GRHL1: variants seen among roughly 807,000 people sequenced by gnomAD.
GRHL1 encodes the protein grainyhead-like protein 1 homolog.
Under a neutral mutation model 75.7 loss-of-function variants are expected in GRHL1, and 38 were observed. That is an observed-to-expected ratio of 0.50 (90% CI 0.39 to 0.66). GRHL1 has a LOEUF of 0.66. Ranked by LOEUF, GRHL1 falls within the 30% of genes least tolerant of loss-of-function variation. The probability of loss-of-function intolerance (pLI) is 0.00; values close to 1 mark genes in which losing one functional copy is unlikely to be tolerated. For missense variants in GRHL1, 589 were observed against 767.5 expected (o/e 0.77, Z 2.75); for synonymous variants, 266 against 279.4 (o/e 0.95, Z 0.48).
intron 15 of GRHL1, among the ~76,000 whole-genome samples, chr2:10,000,159 A>T (rs906632140): frequency 8.6e-5 from 13 of 151,990 alleles, no homozygotes; most frequent in Non-Finnish European, 1.3e-4. Flanking sequence ...AGTTTTTAAA[A>T]TTTTTCTGTA....
At chr2:9,961,716 T>C (rs1290503531) in intron 4 of GRHL1, among the ~76,000 whole-genome samples, 4 of 152,210 alleles carry the variant, frequency 2.6e-5, no homozygotes, top group Admixed American at 6.5e-5. Context: ...ACCCCATACA[T>C]AATCTTCTGT....
In GRHL1 at chr2:9,978,270, T is replaced by TA. The variant is rs552274277; in HGVS notation, c.1111-7853dup. 1.9e-3 allele frequency among the ~76,000 whole-genome samples: 289 copies of TA among 152,260 alleles called. 1 individual carries two copies. Among genetic ancestry groups the TA allele is most frequent in the Non-Finnish European group, 3.3e-3 (226 of 68,004 alleles). ...GTAAGTGGTAAAAGGGAGCTGTACA[T>TA]AGAGTGCAGTGGACACAGCTGAGAG... is the stretch of plus-strand genomic sequence containing the variant. On this transcript the variant is annotated intron_variant, in intron 8 of 15. Coordinates refer to ENST00000324907, the MANE Select transcript of GRHL1 (RefSeq NM_198182.3).
rs1357584184 is a variant in GRHL1 at position 9,998,534 on chromosome 2, G to A, written c.1678-431G>A. 2.2e-4 allele frequency among the ~76,000 whole-genome samples: 9 copies of A among 40,568 alleles called. 2 individuals are homozygous for A. Among genetic ancestry groups the A allele is most frequent in the East Asian group, 1.2e-3 (2 of 1,652 alleles). The allele number at this position is 40,568 out of a possible 152,430, so 26.6% of individuals were successfully genotyped here. On this transcript the variant is annotated intron_variant, in intron 14 of 15. Transcript: ENST00000324907. ...TACGTATATATATACATATATATAC[G>A]TATATATACATATGTATATATGTGT...
chr2:9,965,579 A>G (rs1363558706), intron 8 of GRHL1, 198 bp downstream of exon 8: 1 of 554,698 alleles, frequency 1.8e-6, no homozygotes, highest in East Asian at 2.9e-5. Context: ...CACAGAGTCC[A>G]GTGTGTGAAA....
chr2:10,000,715 C>T lies in GRHL1; in HGVS notation c.*8C>T, dbSNP rs561124292. The T allele has an allele frequency of 2.6e-5, 38 of 1,437,012 alleles. No homozygotes were observed. The highest frequency in any genetic ancestry group is 2.0e-4 in the Admixed American group (12 of 59,398). 89.0% of individuals were successfully genotyped at this position (1,437,012 alleles called of 1,614,324 possible). A position where few individuals can be genotyped will look rare whatever the true frequency, so the allele number is the denominator to read the frequency against. ...ACCCTGACGGAGATCTAAAGGCCTG[C>T]GGGCCACAGCTCCCCAGGAGTTCAG... On this transcript the variant is annotated 3_prime_UTR_variant, in exon 16 of 16. Coordinates refer to ENST00000324907, the MANE Select transcript of GRHL1 (RefSeq NM_198182.3).
chr2:9,978,139 T>C (rs1668028730), intron 8 of GRHL1, among the ~76,000 whole-genome samples: 1 of 152,168 alleles, frequency 6.6e-6, no homozygotes, highest in African/African-American at 2.4e-5. Context: ...GTGGGAGTTA[T>C]GGGAGCTACA....
chr2:9,951,776 G>A lies in GRHL1; in HGVS notation c.-58G>A. Reference sequence around the variant, plus strand: ...CCGCCGCCTCCTCCCCCCGGATCGGGTGTACTGTCCCAACCCGAAAGTCCA... The same window carrying A: ...CCGCCGCCTCCTCCCCCCGGATCGGATGTACTGTCCCAACCCGAAAGTCCA... On this transcript the variant is annotated 5_prime_UTR_variant, in exon 1 of 16. In the 5' UTR this introduces an upstream ATG that the reference lacks. Transcript: ENST00000324907. This position sits in a 1 kb window ranked among gnomAD's most constrained non-coding sequence, Gnocchi z 4.2. 6.7e-7 allele frequency: 1 copy of A among 1,486,160 alleles called. No homozygotes were observed. Among genetic ancestry groups the A allele is most frequent in the Non-Finnish European group, 9.0e-7 (1 of 1,110,188 alleles). The allele number at this position is 1,486,160 out of a possible 1,614,324, so 92.1% of individuals were successfully genotyped here.
chr2:9,966,686 A>G (rs912716117), intron 8 of GRHL1, among the ~76,000 whole-genome samples: 9 of 152,112 alleles, frequency 5.9e-5, no homozygotes, highest in African/African-American at 1.9e-4. Context: ...TTTGAAAATC[A>G]TGTGACTGGG....
At position 9,987,048 on chromosome 2, in the gene GRHL1, G is replaced by A. The variant is rs976790164; in HGVS notation, c.1269+766G>A. On this transcript the variant is annotated intron_variant, in intron 9 of 15. Coordinates refer to ENST00000324907, the MANE Select transcript of GRHL1 (RefSeq NM_198182.3). The surrounding 1 kb of genome is among the most constrained non-coding windows in gnomAD (Gnocchi z 4.2). ...TGCTGGAGTGCAGTGGCGCAGTCTC[G>A]GCTCACTGCAGCCTCTGCTTCCCGG... Among the ~76,000 whole-genome samples, 3 of 151,296 alleles carry A rather than the reference G, an allele frequency of 2.0e-5. No homozygotes were observed. The highest frequency in any genetic ancestry group is 2.0e-4 in the East Asian group (1 of 5,110).
rs148078874 is a variant in GRHL1 at position 9,975,306 on chromosome 2, T to A, written c.1110+9925T>A. ...GCTTCTGTAACAGAAAGATAGTCAC[T>A]GGAGATAGCAATTGAAAACTAAAAG... On this transcript the variant is annotated intron_variant, in intron 8 of 15. Coordinates refer to ENST00000324907, the MANE Select transcript of GRHL1 (RefSeq NM_198182.3). Among the ~76,000 whole-genome samples the A allele has an allele frequency of 4.1e-3, 623 of 152,290 alleles. 2 individuals carry two copies. Among genetic ancestry groups the A allele is most frequent in the African/African-American group, 0.014 (579 of 41,552 alleles).
chr2:9,964,483 A>G (rs1667405588), intron 7 of GRHL1, 137 bp downstream of exon 7: 1 of 592,610 alleles, frequency 1.7e-6, no homozygotes, highest in Non-Finnish European at 3.0e-6. Context: ...TGTTCCAAAC[A>G]CTGTCCTCGG....
chr2:9,954,931 G>A lies in GRHL1; in HGVS notation c.37G>A (p.Val13Ile), dbSNP rs768021121. 1 of 1,613,354 alleles carries A rather than the reference G, an allele frequency of 6.2e-7. No individual in the cohort carries two copies. The highest frequency in any genetic ancestry group is 8.5e-7 in the Non-Finnish European group (1 of 1,179,354). ...QEYDNKRPVL[V>I]LQNEALYPQR... The stretch of plus-strand genomic sequence containing the variant: ...TCTCTGAAGCAAACGGCCAGTGTTG[G>A]TTCTTCAGAATGAAGCACTTTATCC... The change falls in exon 2 of 16, where the codon GTT becomes ATT. Residue 13 changes from valine to isoleucine, a missense_variant. By Grantham distance (29) the Val-to-Ile change is conservative. Coordinates refer to ENST00000324907, the MANE Select transcript of GRHL1 (RefSeq NM_198182.3).
At chr2:9,999,217 C>G (rs1558322345) in intron 15 of GRHL1, among the ~76,000 whole-genome samples, 188 bp downstream of exon 15, 1 of 152,116 alleles carries the variant, frequency 6.6e-6, no homozygotes, top group Non-Finnish European at 1.5e-5. Context: ...CGTGCCCAGT[C>G]CAGAAGCAGC....
At chr2:9,970,793 G>A (rs1166792819) in intron 8 of GRHL1, among the ~76,000 whole-genome samples, 1 of 152,204 alleles carries the variant, frequency 6.6e-6, no homozygotes, top group African/African-American at 2.4e-5. Context: ...GGAACTCCGA[G>A]GCCTTTGGAA....
In GRHL1 at chr2:9,990,602, G is replaced by A; in HGVS notation, c.1270-94G>A. The A allele has an allele frequency of 1.5e-6, 1 of 652,502 alleles. No individual in the cohort carries two copies. The highest frequency in any genetic ancestry group is 2.6e-6 in the Non-Finnish European group (1 of 391,266). The allele number at this position is 652,502 out of a possible 1,614,324, so 40.4% of individuals were successfully genotyped here. On this transcript the variant is annotated intron_variant, in intron 9 of 15. Transcript: ENST00000324907. This position sits in a 1 kb window ranked among gnomAD's most constrained non-coding sequence, Gnocchi z 4.2. ...ATGGGGTTCCTGTCCAGAGAAGGGAGAAAGGCTTCTTCTTCCATTGGTCAG... is the reference window on the plus strand; with the variant it reads ...ATGGGGTTCCTGTCCAGAGAAGGGAAAAAGGCTTCTTCTTCCATTGGTCAG...
chr2:9,971,127 G>A (rs964856131), intron 8 of GRHL1, among the ~76,000 whole-genome samples: 1 of 152,056 alleles, frequency 6.6e-6, no homozygotes, highest in Non-Finnish European at 1.5e-5. Context: ...TTTTGTCTAA[G>A]CATAATATTT....
chr2:9,993,351 A>C, intron 12 of GRHL1, 107 bp downstream of exon 12: 1 of 914,862 alleles, frequency 1.1e-6, no homozygotes, highest in Non-Finnish European at 1.8e-6. Context: ...CTGAGCCATC[A>C]AGGATAAGTT....
rs1483644393 is a variant in GRHL1 at position 9,987,150 on chromosome 2, T to C, written c.1269+868T>C. ...CACACCCACCACACCTGGCTAATTT[T>C]TGTATAGAAACAGGGTTTCGCCAGG... On this transcript the variant is annotated intron_variant, in intron 9 of 15. Coordinates refer to ENST00000324907, the MANE Select transcript of GRHL1 (RefSeq NM_198182.3). The surrounding 1 kb of genome is among the most constrained non-coding windows in gnomAD (Gnocchi z 4.2). Among the ~76,000 whole-genome samples the C allele has an allele frequency of 2.0e-5, 3 of 152,028 alleles. No homozygotes were observed. Among genetic ancestry groups the C allele is most frequent in the African/African-American group, 4.8e-5 (2 of 41,380 alleles).
At chr2:9,957,449 G>A (rs755910821) in intron 2 of GRHL1, among the ~76,000 whole-genome samples, 95 of 150,408 alleles carry the variant, frequency 6.3e-4, no homozygotes, top group East Asian at 1.8e-3. Flanking sequence ...TCGCTCTGTC[G>A]CCCAGGCTGG....
Sources: allele counts gnomAD v4.1 joint callset (sites outside exome capture counted in the v4.1 genomes callset), GRCh38; gene constraint gnomAD v4.1.1; non-coding constraint Gnocchi (gnomAD v3.1); transcripts MANE v1.5; gene names NCBI Gene and HGNC (gene_info 2026-07-23, HGNC 2026-07-21).